The following ME3 variants were observed in gnomAD, a reference collection of about 807,000 sequenced individuals.
ME3 encodes malic enzyme 3.
A neutral mutation model predicts 68.9 loss-of-function variants in ME3; 48 were observed. The ratio of observed to expected loss-of-function variants is 0.70; its 90% CI spans 0.55 to 0.89. ME3 has a LOEUF of 0.89. ME3 is among the 40% of genes least tolerant of loss of function. The pLI is 0.00. For missense variants in ME3, 675 were observed against 797.4 expected (o/e 0.85, Z 1.85); for synonymous variants, 320 against 318.8 (o/e 1.00, Z -0.04).
At chr11:86,444,651 G>A (rs1451330262) in intron 13 of ME3, among the ~76,000 whole-genome samples, 1 of 152,118 alleles carries the variant, frequency 6.6e-6, no homozygotes, top group Non-Finnish European at 1.5e-5. Flanking sequence ...GCCATCCTGG[G>A]CTCACAAGAC....
At chr11:86,497,938 G>A in intron 6 of ME3, 25 bp downstream of exon 6, 1 of 1,558,928 alleles carries the variant, frequency 6.4e-7, no homozygotes, top group South Asian at 1.2e-5. Context: ...TGGCCCCAGA[G>A]CTCCTGCCCT....
At chr11:86,441,826 G>A (rs1315692601) in intron 14 of ME3, among the ~76,000 whole-genome samples, 3 of 150,292 alleles carry the variant, frequency 2.0e-5, no homozygotes, top group Admixed American at 6.6e-5. Context: ...TCCAGAACCT[G>A]ATTTTTTTTC....
chr11:86,471,792 A>G (rs1038918630), intron 7 of ME3, among the ~76,000 whole-genome samples: 1 of 152,224 alleles, frequency 6.6e-6, no homozygotes, highest in African/African-American at 2.4e-5. Context: ...AGTGAGACCC[A>G]TATCTTAGAA....
chr11:86,627,978 C>T (rs924985311), intron 2 of ME3, among the ~76,000 whole-genome samples: 2 of 152,174 alleles, frequency 1.3e-5, no homozygotes, highest in African/African-American at 4.8e-5. Flanking sequence ...TAAAGTCCCC[C>T]CACCCTCCAT....
intron 2 of ME3, among the ~76,000 whole-genome samples, chr11:86,565,343 G>C (rs1957431182): frequency 6.6e-6 from 1 of 152,170 alleles, no homozygotes; most frequent in South Asian, 2.1e-4. Context: ...GCTGAACATA[G>C]AATTACCATA....
In ME3 at chr11:86,497,521, C is replaced by G. The variant is rs1203322110; in HGVS notation, c.705+442G>C. Among the ~76,000 whole-genome samples, 5 of 152,268 alleles carry G rather than the reference C, an allele frequency of 3.3e-5. 1 individual carries two copies. The highest frequency in any genetic ancestry group is 6.8e-3 in the Middle Eastern group (2 of 294). On this transcript the variant is annotated intron_variant, in intron 6 of 14. Transcript: ENST00000543262. ...TTTCTCTCACTGGGTTTGCAGGACA[C>G]TAATCTGTCTGATTCAGACATTTTG...
intron 2 of ME3, among the ~76,000 whole-genome samples, chr11:86,598,674 C>CA (rs1159139655): frequency 6.6e-6 from 1 of 152,192 alleles, no homozygotes; most frequent in Non-Finnish European, 1.5e-5. Context: ...CCCCGACCCC[C>CA]AAGCAGCCTA....
intron 2 of ME3, among the ~76,000 whole-genome samples, chr11:86,624,076 C>T (rs1344756021): frequency 6.6e-6 from 1 of 152,188 alleles, no homozygotes; most frequent in Non-Finnish European, 1.5e-5. Context: ...GGATTTTATA[C>T]CTCTTTGAGG....
At chr11:86,530,087 G>A (rs963162541) in intron 4 of ME3, among the ~76,000 whole-genome samples, 1 of 151,950 alleles carries the variant, frequency 6.6e-6, no homozygotes, top group African/African-American at 2.4e-5. Context: ...AGATGACATT[G>A]TATATCTAGA....
At position 86,627,660 on chromosome 11, in the gene ME3, TACTCTGAA is replaced by T. The variant is rs1213510019; in HGVS notation, c.183+44094_183+44101del. 4.0e-3 allele frequency among the ~76,000 whole-genome samples: 606 copies of T among 152,306 alleles called. 5 individuals are homozygous for T. Among genetic ancestry groups the T allele is most frequent in the African/African-American group, 0.014 (591 of 41,558 alleles). On this transcript the variant is annotated intron_variant, in intron 2 of 14. Coordinates refer to ENST00000543262, the Ensembl canonical transcript of ME3. ...ATTTGTGAAGTCTGCCCACTCTCCT[TACTCTGAA>T]GGATTCAGTATCAACCTCAAAATCA...
At chr11:86,662,768 C>G (rs1946365215) in intron 2 of ME3, among the ~76,000 whole-genome samples, 1 of 152,214 alleles carries the variant, frequency 6.6e-6, no homozygotes, top group Non-Finnish European at 1.5e-5. Flanking sequence ...TGACTTCCCT[C>G]CATAACGTTA....
At chr11:86,564,417 C>CT (rs201493163) in intron 2 of ME3, among the ~76,000 whole-genome samples, 3,937 of 138,816 alleles carry the variant, frequency 0.028, 175 homozygotes, top group African/African-American at 0.093. Flanking sequence ...CAGCCAAAAT[C>CT]TTTTTTTTTA....
In ME3 at chr11:86,514,223, A is replaced by AG. The variant is rs774240102; in HGVS notation, c.468-5357dup. Among the ~76,000 whole-genome samples, 242 of 152,166 alleles carry AG rather than the reference A, an allele frequency of 1.6e-3. 2 individuals are homozygous for AG. The highest frequency in any genetic ancestry group is 3.0e-3 in the Non-Finnish European group (205 of 68,026). On this transcript the variant is annotated intron_variant, in intron 4 of 14. Coordinates refer to ENST00000543262, the Ensembl canonical transcript of ME3. ...ATCATAAGTTTCCTGAGGCCTCCCCAGCCATGTGGAACTGCAAGTCTATTA... is the reference window on the plus strand; with the variant it reads ...ATCATAAGTTTCCTGAGGCCTCCCCAGGCCATGTGGAACTGCAAGTCTATTA...
At chr11:86,565,572 C>A (rs1594471243) in intron 2 of ME3, among the ~76,000 whole-genome samples, 1 of 152,296 alleles carries the variant, frequency 6.6e-6, no homozygotes, top group Admixed American at 6.5e-5. Context: ...CTGCTCTGTG[C>A]TACTTCATGG....
rs768543636 is a variant in ME3, at chr11:86,442,813, C to T, written c.1653+8G>A. ...CTACCCATATTACAGGGGTAGGATG[C>T]CCCTTACTTTGATGGCAATTCTCAA... On this transcript the variant is annotated splice_region_variant and intron_variant, in intron 14 of 14. Transcript: ENST00000543262. 20 of 1,601,766 alleles carry T rather than the reference C, an allele frequency of 1.2e-5. No homozygotes were observed. The highest frequency in any genetic ancestry group is 2.2e-5 in the East Asian group (1 of 44,788).
At chr11:86,544,007 A>C (rs1399872065) in intron 4 of ME3, among the ~76,000 whole-genome samples, 2 of 148,840 alleles carry the variant, frequency 1.3e-5, no homozygotes, top group African/African-American at 5.0e-5. Flanking sequence ...AAGCTCACTC[A>C]AAACTGCACA....
At chr11:86,456,180 T>C (rs1172859663) in intron 8 of ME3, among the ~76,000 whole-genome samples, 1 of 152,188 alleles carries the variant, frequency 6.6e-6, no homozygotes, top group East Asian at 1.9e-4. Flanking sequence ...GAGGTACTAG[T>C]TTCCTGCCAT....
chr11:86,648,055 A>T (rs1361620416), intron 2 of ME3, among the ~76,000 whole-genome samples: 1 of 152,212 alleles, frequency 6.6e-6, no homozygotes, highest in East Asian at 1.9e-4. Flanking sequence ...CATAACTAAC[A>T]TTCTCTCAGA....
chr11:86,469,939 T>A (rs769746132), intron 7 of ME3, among the ~76,000 whole-genome samples: 10 of 151,658 alleles, frequency 6.6e-5, no homozygotes, highest in Non-Finnish European at 1.3e-4. Flanking sequence ...TGGTGAGCTG[T>A]GTGTGACGGT....
Sources: allele counts gnomAD v4.1 joint callset (sites outside exome capture counted in the v4.1 genomes callset), GRCh38; gene constraint gnomAD v4.1.1; transcripts MANE v1.5; gene names NCBI Gene and HGNC (gene_info 2026-07-23, HGNC 2026-07-21).